Variants in THSD7A observed in about 807,000 individuals in gnomAD.
The protein encoded by THSD7A is thrombospondin type-1 domain-containing protein 7A.
In THSD7A, 96 loss-of-function variants were observed where a neutral mutation model predicts 231.3. The observed-to-expected ratio is 0.41, with a 90% CI of 0.35 to 0.49. THSD7A has a LOEUF of 0.49. Among genes scored for constraint, THSD7A ranks in the 20% least tolerant of loss-of-function variants. THSD7A has a pLI of 0.05. For synonymous variants in THSD7A, 940 were observed against 743.3 expected (o/e 1.26, Z -4.30); for missense variants, 2,290 against 2,070.2 (o/e 1.11, Z -2.06).
chr7:11,726,199 T>C (rs897181098), intron 1 of THSD7A, among the ~76,000 whole-genome samples: 7 of 152,112 alleles, frequency 4.6e-5, no homozygotes, highest in African/African-American at 1.7e-4. Context: ...AATGATACAG[T>C]CGATTTTGGC....
intron 16 of THSD7A, among the ~76,000 whole-genome samples, chr7:11,422,135 TTTCTGC>T: frequency 6.6e-6 from 1 of 152,274 alleles, no homozygotes; most frequent in African/African-American, 2.4e-5. Flanking sequence ...GACAGTGTAT[TTTCTGC>T]ATAGATTTAA....
At chr7:11,664,340 GGTTTGTGTTTTACTTACTA>G in intron 1 of THSD7A, among the ~76,000 whole-genome samples, 1 of 151,844 alleles carries the variant, frequency 6.6e-6, no homozygotes, top group South Asian at 2.1e-4. Flanking sequence ...GATAGATTTG[GGTTTGTGTTTTACTTACTA>G]TACTTCTTTG....
At chr7:11,452,115 C>T (rs573183518) in intron 11 of THSD7A, among the ~76,000 whole-genome samples, 3 of 152,028 alleles carry the variant, frequency 2.0e-5, no homozygotes, top group South Asian at 2.1e-4. Flanking sequence ...GTTTATACCA[C>T]TACACTAGTG....
intron 1 of THSD7A, among the ~76,000 whole-genome samples, chr7:11,642,159 T>C (rs1782108876): frequency 6.6e-6 from 1 of 152,154 alleles, no homozygotes; most frequent in Non-Finnish European, 1.5e-5. Context: ...CCAATTACAA[T>C]GTGACAGTGT....
chr7:11,388,891 T>C (rs1469329623), intron 23 of THSD7A, among the ~76,000 whole-genome samples: 1 of 152,212 alleles, frequency 6.6e-6, no homozygotes, highest in Non-Finnish European at 1.5e-5. Flanking sequence ...AGCAGGTTGT[T>C]CAGTTTCCAT....
intron 11 of THSD7A, among the ~76,000 whole-genome samples, chr7:11,458,758 C>T (rs942066566): frequency 2.1e-4 from 32 of 152,082 alleles, no homozygotes; most frequent in Admixed American, 1.6e-3. Flanking sequence ...GGATGAAGAA[C>T]GAACAGTTTT....
intron 4 of THSD7A, among the ~76,000 whole-genome samples, chr7:11,573,858 C>A (rs1279089449): frequency 6.6e-6 from 1 of 152,158 alleles, no homozygotes; most frequent in African/African-American, 2.4e-5. Flanking sequence ...TTACTGAACA[C>A]ATTATGTGTC....
At chr7:11,533,985 A>G (rs985141845) in intron 6 of THSD7A, among the ~76,000 whole-genome samples, 11 of 152,120 alleles carry the variant, frequency 7.2e-5, no homozygotes, top group African/African-American at 2.7e-4. Context: ...CTTTCACAAT[A>G]TTGTATGTTG....
intron 8 of THSD7A, among the ~76,000 whole-genome samples, chr7:11,471,623 A>C (rs1480875805): frequency 6.6e-6 from 1 of 152,042 alleles, no homozygotes; most frequent in East Asian, 1.9e-4. Flanking sequence ...TTAAGGATTC[A>C]ACATTTCAAA....
rs1257721505 is a variant in THSD7A, at chr7:11,474,759, CT to C, written c.2018-192del. Among the ~76,000 whole-genome samples the C allele has an allele frequency of 1.3e-5, 2 of 152,226 alleles. No individual in the cohort carries two copies. The highest frequency in any genetic ancestry group is 3.9e-4 in the East Asian group (2 of 5,180). ...CTACAGGGGTTAAAAATAGTTTCTG[CT>C]ACACTCAAGGATCTCATAATGTAGT... On this transcript the variant is annotated intron_variant, in intron 7 of 27. Transcript: ENST00000423059. The surrounding 1 kb of genome is among the most constrained non-coding windows in gnomAD (Gnocchi z 4.1).
At chr7:11,548,324 T>G (rs966270004) in intron 4 of THSD7A, among the ~76,000 whole-genome samples, 39 of 152,108 alleles carry the variant, frequency 2.6e-4, no homozygotes, top group Admixed American at 2.3e-3. Flanking sequence ...ACTGAAACCC[T>G]GAACAGACAC....
At chr7:11,726,134 T>G (rs574504985) in intron 1 of THSD7A, among the ~76,000 whole-genome samples, 2 of 152,116 alleles carry the variant, frequency 1.3e-5, no homozygotes, top group South Asian at 4.2e-4. Context: ...TAAAAGGAGT[T>G]TGATGTATGC....
chr7:11,758,611 T>C (rs559882300), intron 1 of THSD7A, among the ~76,000 whole-genome samples: 4 of 152,172 alleles, frequency 2.6e-5, no homozygotes, highest in South Asian at 2.1e-4. Context: ...ACAACGTGAA[T>C]GTATCCGTAA....
intron 2 of THSD7A, among the ~76,000 whole-genome samples, chr7:11,623,625 G>T (rs6953767): frequency 0.08 from 12,242 of 152,140 alleles, 1,614 homozygotes; most frequent in African/African-American, 0.27. Flanking sequence ...GGGTGGGGGT[G>T]AGTAGAGCGA....
chr7:11,403,040 G>C (rs1332072903), intron 22 of THSD7A, among the ~76,000 whole-genome samples: 1 of 152,106 alleles, frequency 6.6e-6, no homozygotes, highest in Non-Finnish European at 1.5e-5. Flanking sequence ...GAACAGAAAA[G>C]ATTTTATGAA....
chr7:11,449,609 A>G (rs1192899600), intron 11 of THSD7A, among the ~76,000 whole-genome samples: 2 of 152,078 alleles, frequency 1.3e-5, no homozygotes, highest in African/African-American at 4.8e-5. Flanking sequence ...AGAAATTTGT[A>G]CAGGGAATAG....
At chr7:11,384,994 T>G (rs2115309239) in intron 23 of THSD7A, 1 of 152,076 alleles carries the variant, frequency 6.6e-6, no homozygotes, top group East Asian at 1.9e-4. Context: ...TATCTTCCAA[T>G]AAGATTTTAT....
Position 11,509,821 on chromosome 7 carries a change from C to CA in THSD7A, c.1823-27840dup, listed in dbSNP as rs751048602. On this transcript the variant is annotated intron_variant, in intron 6 of 27. Coordinates refer to ENST00000423059, the MANE Select transcript of THSD7A (RefSeq NM_015204.3). ...TGGGCGACAGAGCCAGAGTCCGTCT[C>CA]AAAAAAAAAAAAAAATAACATCTGA... is the stretch of plus-strand genomic sequence containing the variant. Among the ~76,000 whole-genome samples, 301 of 39,964 alleles carry CA rather than the reference C, an allele frequency of 7.5e-3. 41 individuals are homozygous for CA. Among genetic ancestry groups the CA allele is most frequent in the Middle Eastern group, 0.033 (2 of 60 alleles). 26.2% of individuals were successfully genotyped at this position (39,964 alleles called of 152,430 possible).
chr7:11,622,895 A>G (rs772571830), intron 2 of THSD7A, among the ~76,000 whole-genome samples: 3 of 152,202 alleles, frequency 2.0e-5, no homozygotes, highest in Non-Finnish European at 4.4e-5. Context: ...ATGTTATAAC[A>G]TAGGTATCCC....
Sources: gnomAD v4.1 joint callset for allele counts (sites outside exome capture counted in the v4.1 genomes callset) on GRCh38, gnomAD v4.1.1 for gene constraint, Gnocchi (gnomAD v3.1) non-coding constraint, MANE v1.5 for transcripts, NCBI Gene and HGNC (gene_info 2026-07-23, HGNC 2026-07-21) for gene names.